The following PHACTR1 variants were observed in gnomAD, a reference collection of about 807,000 sequenced individuals.
The protein encoded by PHACTR1 is phosphatase and actin regulator 1.
A neutral mutation model predicts 69.2 loss-of-function variants in PHACTR1; 16 were observed. That is an observed-to-expected ratio of 0.23 (90% confidence interval 0.16 to 0.35). PHACTR1 has a LOEUF of 0.35. Ranked by LOEUF, PHACTR1 falls within the 10% of genes least tolerant of loss-of-function variation. The pLI is 1.00. For synonymous variants in PHACTR1, 312 were observed against 284.5 expected (o/e 1.10, Z -0.97); for missense variants, 510 against 734.7 (o/e 0.69, Z 3.54).
intron 10 of PHACTR1, among the ~76,000 whole-genome samples, chr6:13,258,901 C>T (rs960197168): frequency 3.9e-5 from 6 of 152,150 alleles, no homozygotes; most frequent in Non-Finnish European, 7.3e-5. Flanking sequence ...ATCATCTGTG[C>T]GTGGTCATTC....
chr6:12,915,521 G>GAAA (rs1047244375), intron 4 of PHACTR1, among the ~76,000 whole-genome samples: 1 of 120,290 alleles, frequency 8.3e-6, no homozygotes, highest in Admixed American at 8.7e-5. Flanking sequence ...AAAAAAAAAA[G>GAAA]AAAAAAAAAA....
chr6:13,200,400 G>C (rs1765048468), intron 7 of PHACTR1, among the ~76,000 whole-genome samples: 1 of 151,430 alleles, frequency 6.6e-6, no homozygotes, highest in Non-Finnish European at 1.5e-5. Flanking sequence ...TAGTAGAGAC[G>C]GGGTCAAAGT....
rs60778825 is a variant in PHACTR1, at chr6:13,181,311, T to C, written c.497-1208T>C. On this transcript the variant is annotated intron_variant, in intron 6 of 14. Coordinates refer to ENST00000332995, the MANE Select transcript of PHACTR1 (RefSeq NM_030948.6). ...AAGGATTATTTACCCAAGAATCACC[T>C]TGGAGTCACTTAACTGTTTCTTTTC... Among the ~76,000 whole-genome samples the C allele has an allele frequency of 1.1e-3, 166 of 152,350 alleles. 1 individual carries two copies. The East Asian group carries it at 0.012, about 11-fold the overall frequency.
intron 4 of PHACTR1, among the ~76,000 whole-genome samples, chr6:12,887,676 A>C (rs1783771370): frequency 1.3e-5 from 2 of 152,198 alleles, no homozygotes; most frequent in Non-Finnish European, 2.9e-5. Context: ...CTAGGTGCTC[A>C]GGATACACAG....
At chr6:13,001,538 A>G (rs557791906) in intron 4 of PHACTR1, among the ~76,000 whole-genome samples, 30 of 152,312 alleles carry the variant, frequency 2.0e-4, no homozygotes, top group Admixed American at 3.9e-4. Flanking sequence ...TCTCCCCACC[A>G]TGACCTGCAA....
At chr6:12,829,184 C>T (rs1777138909) in intron 4 of PHACTR1, among the ~76,000 whole-genome samples, 2 of 151,850 alleles carry the variant, frequency 1.3e-5, no homozygotes, top group South Asian at 2.1e-4. Context: ...TAGCTCTCGG[C>T]CCAGGGGAGT....
chr6:12,768,948 A>G (rs1471060148), intron 4 of PHACTR1, among the ~76,000 whole-genome samples: 1 of 152,162 alleles, frequency 6.6e-6, no homozygotes, highest in Non-Finnish European at 1.5e-5. Flanking sequence ...ATATTAAGTG[A>G]AATAAACCAG....
At chr6:12,975,377 G>A (rs1217887967) in intron 4 of PHACTR1, among the ~76,000 whole-genome samples, 1 of 152,078 alleles carries the variant, frequency 6.6e-6, no homozygotes, top group African/African-American at 2.4e-5. Context: ...ATAAATTATG[G>A]CTGCTCTGTA....
At chr6:13,167,314 CT>C (rs1182912046) in intron 6 of PHACTR1, among the ~76,000 whole-genome samples, 6 of 152,242 alleles carry the variant, frequency 3.9e-5, no homozygotes, top group Non-Finnish European at 7.3e-5. Context: ...ATTTCCATCA[CT>C]GAATTTCTCT....
Position 13,248,284 on chromosome 6 carries a change from C to T in PHACTR1, c.1391+18091C>T, listed in dbSNP as rs570540864. 1.3e-4 allele frequency among the ~76,000 whole-genome samples: 20 copies of T among 152,266 alleles called. 1 individual carries two copies. The East Asian group carries it at 3.3e-3, about 25-fold the overall frequency. On this transcript the variant is annotated intron_variant, in intron 10 of 14. Coordinates refer to ENST00000332995, the MANE Select transcript of PHACTR1 (RefSeq NM_030948.6). Reference sequence around the variant, plus strand: ...GCTCAGGCAGCTCCCAGGAGGAAACCGTAAATGCATATAGCTTTGTCTAGG... The same window carrying T: ...GCTCAGGCAGCTCCCAGGAGGAAACTGTAAATGCATATAGCTTTGTCTAGG...
intron 4 of PHACTR1, among the ~76,000 whole-genome samples, chr6:12,892,182 C>T (rs1020685223): frequency 1.3e-5 from 2 of 152,206 alleles, no homozygotes; most frequent in African/African-American, 4.8e-5. Flanking sequence ...TATGAGACAG[C>T]AAGCAGTTTC....
intron 4 of PHACTR1, among the ~76,000 whole-genome samples, chr6:12,905,430 T>C (rs1381422745): frequency 6.6e-6 from 1 of 152,222 alleles, no homozygotes; most frequent in Admixed American, 6.5e-5. Context: ...AGCAGCCATA[T>C]ATTCATTTAA....
intron 4 of PHACTR1, among the ~76,000 whole-genome samples, chr6:12,946,086 A>C (rs1489576726): frequency 6.6e-6 from 1 of 151,678 alleles, no homozygotes; most frequent in African/African-American, 2.4e-5. Flanking sequence ...TCTTTTCTTC[A>C]GTAGACATCT....
chr6:13,253,116 C>G, intron 10 of PHACTR1: 5 of 444,878 alleles, frequency 1.1e-5, no homozygotes, highest in Non-Finnish European at 2.3e-5. Flanking sequence ...GGCTTCTTCC[C>G]CACCCTCTAT....
At chr6:12,728,191 C>T (rs1273393797) in intron 3 of PHACTR1, among the ~76,000 whole-genome samples, 1 of 152,034 alleles carries the variant, frequency 6.6e-6, no homozygotes, top group African/African-American at 2.4e-5. Flanking sequence ...TGGTAGTGGA[C>T]ACCTGTAGTC....
chr6:12,946,895 C>A (rs1790738490), intron 4 of PHACTR1, among the ~76,000 whole-genome samples: 1 of 147,330 alleles, frequency 6.8e-6, no homozygotes, highest in African/African-American at 2.6e-5. Context: ...TCACTGCAAC[C>A]TCCACCTCCC....
intron 5 of PHACTR1, among the ~76,000 whole-genome samples, chr6:13,055,170 G>A (rs893051918): frequency 6.6e-6 from 1 of 152,146 alleles, no homozygotes; most frequent in Non-Finnish European, 1.5e-5. Flanking sequence ...CCATCCTGAT[G>A]TTATATTTGT....
intron 4 of PHACTR1, among the ~76,000 whole-genome samples, chr6:12,773,840 C>G (rs1055557573): frequency 6.6e-6 from 1 of 152,178 alleles, no homozygotes; most frequent in African/African-American, 2.4e-5. Flanking sequence ...GTTTGGTGAG[C>G]TCATCTTTTC....
At chr6:12,805,508 T>C (rs1774199868) in intron 4 of PHACTR1, among the ~76,000 whole-genome samples, 1 of 152,200 alleles carries the variant, frequency 6.6e-6, no homozygotes, top group Non-Finnish European at 1.5e-5. Flanking sequence ...ACAATACTCC[T>C]GGAATGGCTA....
Sources: allele counts gnomAD v4.1 joint callset (sites outside exome capture counted in the v4.1 genomes callset), GRCh38; gene constraint gnomAD v4.1.1; transcripts MANE v1.5; gene names NCBI Gene and HGNC (gene_info 2026-07-23, HGNC 2026-07-21).